Variants in CA8 observed in about 807,000 individuals in gnomAD.
CA8 encodes the protein carbonic anhydrase 8 (inactive).
CA8 carries 22 observed loss-of-function variants against 41.4 expected under a neutral mutation model. That is an observed-to-expected ratio of 0.53 (90% CI 0.38 to 0.76). The LOEUF (loss-of-function observed/expected upper bound fraction) is 0.76, where lower values mean the gene tolerates loss of function less well. Ranked by LOEUF, CA8 falls within the 30% of genes least tolerant of loss-of-function variation. CA8 has a pLI of 0.00. For synonymous variants in CA8, 121 were observed against 130.6 expected, an observed-to-expected ratio of 0.93 and a Z score of 0.50; for missense variants, 270 against 352.8, an observed-to-expected ratio of 0.77 and a Z score of 1.88.
intron 3 of CA8, among the ~76,000 whole-genome samples, chr8:60,244,703 C>T (rs1364378390): frequency 6.6e-6 from 1 of 152,114 alleles, no homozygotes; most frequent in Non-Finnish European, 1.5e-5. Flanking sequence ...AATCCAATTA[C>T]AATTCAAACT....
At chr8:60,227,549 T>A (rs1303883595) in intron 4 of CA8, among the ~76,000 whole-genome samples, 1 of 152,166 alleles carries the variant, frequency 6.6e-6, no homozygotes, top group East Asian at 1.9e-4. Flanking sequence ...TATAAAAATA[T>A]CAAGGATATT....
chr8:60,261,239 C>T (rs1803723370), intron 3 of CA8, among the ~76,000 whole-genome samples: 1 of 152,134 alleles, frequency 6.6e-6, no homozygotes, highest in South Asian at 2.1e-4. Flanking sequence ...AGCATCTTGC[C>T]CTGTACAATG....
chr8:60,203,023 A>T (rs180823545), intron 8 of CA8, among the ~76,000 whole-genome samples: 98 of 152,324 alleles, frequency 6.4e-4, no homozygotes, highest in African/African-American at 2.1e-3. Context: ...GAAAACAAAA[A>T]AAAATAATAA....
intron 8 of CA8, among the ~76,000 whole-genome samples, chr8:60,203,897 T>C (rs1169979335): frequency 1.3e-5 from 2 of 152,182 alleles, no homozygotes; most frequent in Non-Finnish European, 2.9e-5. Flanking sequence ...CCATGATAAA[T>C]TTAATAGAGA....
intron 8 of CA8, among the ~76,000 whole-genome samples, chr8:60,204,094 A>G (rs1336279262): frequency 6.6e-6 from 1 of 152,174 alleles, no homozygotes; most frequent in Non-Finnish European, 1.5e-5. Flanking sequence ...TAAACCACCT[A>G]CTTACAGGAA....
chr8:60,248,039 C>A (rs576771381), intron 3 of CA8, among the ~76,000 whole-genome samples: 2 of 150,908 alleles, frequency 1.3e-5, no homozygotes, highest in African/African-American at 4.9e-5. Flanking sequence ...GTTTGTTGGT[C>A]GCATAAATGT....
At chr8:60,255,939 G>A (rs546297795) in intron 3 of CA8, among the ~76,000 whole-genome samples, 9 of 143,384 alleles carry the variant, frequency 6.3e-5, no homozygotes, top group Middle Eastern at 3.6e-3. Flanking sequence ...ACAGAGTTTC[G>A]TTATTGTTGC....
chr8:60,227,984 C>T (rs988454936), intron 4 of CA8, among the ~76,000 whole-genome samples: 1 of 152,150 alleles, frequency 6.6e-6, no homozygotes, highest in African/African-American at 2.4e-5. Context: ...CTCAAATAAA[C>T]AATCATTGCT....
At chr8:60,245,552 C>T (rs545637050) in intron 3 of CA8, among the ~76,000 whole-genome samples, 1 of 152,190 alleles carries the variant, frequency 6.6e-6, no homozygotes, top group African/African-American at 2.4e-5. Flanking sequence ...AATTATGCTT[C>T]GCTGAGATTT....
rs1554573722 is a variant in CA8 at position 60,190,957 on chromosome 8, T to TATATATATATATATATATATATATACAC, written c.*36-973_*36-972insGTGTATATATATATATATATATATATAT. Among the ~76,000 whole-genome samples the TATATATATATATATATATATATATACAC allele has an allele frequency of 2.5e-3, 259 of 103,968 alleles. 1 individual carries two copies. The highest frequency in any genetic ancestry group is 5.9e-3 in the South Asian group (19 of 3,228). The allele number at this position is 103,968 out of a possible 152,430, so 68.2% of individuals were successfully genotyped here. On this transcript the variant is annotated intron_variant, in intron 8 of 8. Coordinates refer to ENST00000317995, the MANE Select transcript of CA8 (RefSeq NM_004056.6). ...CACACACTATATATATATATATATA[T>TATATATATATATATATATATATATACAC]ACACACACACATTTCTACATATGCA...
intron 2 of CA8, among the ~76,000 whole-genome samples, chr8:60,277,916 G>A (rs532692428): frequency 6.6e-6 from 1 of 152,234 alleles, no homozygotes; most frequent in East Asian, 1.9e-4. Context: ...GGTCTCCAGG[G>A]AGGCAGGAAA....
chr8:60,258,093 T>C (rs910723542), intron 3 of CA8, among the ~76,000 whole-genome samples: 5 of 152,168 alleles, frequency 3.3e-5, no homozygotes, highest in Non-Finnish European at 5.9e-5. Context: ...ATCCTTCCTC[T>C]CTCCAGCGTC....
chr8:60,221,477 G>A (rs1807245769), intron 7 of CA8, among the ~76,000 whole-genome samples: 1 of 152,196 alleles, frequency 6.6e-6, no homozygotes, highest in Non-Finnish European at 1.5e-5. Context: ...CATCACCAGT[G>A]ATAAGTGAGT....
At chr8:60,228,335 G>A (rs1807512935) in intron 4 of CA8, among the ~76,000 whole-genome samples, 1 of 152,184 alleles carries the variant, frequency 6.6e-6, no homozygotes, top group Admixed American at 6.5e-5. Flanking sequence ...GAAATTTTAG[G>A]CAGAAATCAT....
chr8:60,199,120 GA>G (rs536708009), intron 8 of CA8, among the ~76,000 whole-genome samples: 1 of 151,908 alleles, frequency 6.6e-6, no homozygotes, highest in Admixed American at 6.6e-5. Context: ...TTATATTCAT[GA>G]AAAAAATGTT....
At position 60,240,173 on chromosome 8, in the gene CA8, G is replaced by A. The variant is rs1476634217; in HGVS notation, c.418-7794C>T. Among the ~76,000 whole-genome samples, 3 of 152,328 alleles carry A rather than the reference G, an allele frequency of 2.0e-5. No individual in the cohort carries two copies. In the East Asian group the frequency reaches 5.8e-4, roughly 29 times the overall value. On this transcript the variant is annotated intron_variant, in intron 3 of 8. Transcript: ENST00000317995. ...GAACAGACTTTCTAGAAGACAGTGT[G>A]GGCATCAATACTGTCAAGGAGATAC...
intron 7 of CA8, among the ~76,000 whole-genome samples, chr8:60,212,567 C>T (rs756524974): frequency 1.3e-5 from 2 of 152,152 alleles, no homozygotes; most frequent in Non-Finnish European, 2.9e-5. Flanking sequence ...TGTATGAACT[C>T]ACTTATATGT....
intron 8 of CA8, among the ~76,000 whole-genome samples, chr8:60,196,579 AT>A (rs1390058498): frequency 1.3e-5 from 2 of 152,172 alleles, no homozygotes; most frequent in African/African-American, 2.4e-5. Flanking sequence ...AGACCTATGC[AT>A]TTTTCCTTGA....
rs566008653 is a variant in CA8, at chr8:60,185,880, A to G, written c.*4141T>C. Among the ~76,000 whole-genome samples, 379 of 152,252 alleles carry G rather than the reference A, an allele frequency of 2.5e-3. 1 individual carries two copies. Among genetic ancestry groups the G allele is most frequent in the Non-Finnish European group, 3.7e-3 (250 of 68,004 alleles). On this transcript the variant is annotated 3_prime_UTR_variant, in exon 9 of 9. Transcript: ENST00000317995. ...AAAAAAAAGGGCACTGGTAAATGTA[A>G]TTATGTAATTATGAAAGACAGTATA...
Sources: allele counts gnomAD v4.1 joint callset (sites outside exome capture counted in the v4.1 genomes callset), GRCh38; gene constraint gnomAD v4.1.1; transcripts MANE v1.5; gene names NCBI Gene and HGNC (gene_info 2026-07-23, HGNC 2026-07-21).